Variants in TIAM2 observed in about 807,000 individuals in gnomAD.
TIAM2 encodes the protein rho guanine nucleotide exchange factor TIAM2.
TIAM2 carries 80 observed loss-of-function variants against 152.9 expected under a neutral mutation model. That is an observed-to-expected ratio of 0.52 (90% CI 0.44 to 0.63). The LOEUF is 0.63. Ranked by LOEUF, TIAM2 falls within the 30% of genes least tolerant of loss-of-function variation. The pLI is 0.00. For synonymous variants in TIAM2, 804 were observed against 838.0 expected (o/e 0.96, Z 0.70); for missense variants, 1,965 against 2,120.1 (o/e 0.93, Z 1.44).
At chr6:155,229,375 T>G (rs975325401) in intron 15 of TIAM2, among the ~76,000 whole-genome samples, 1 of 152,144 alleles carries the variant, frequency 6.6e-6, no homozygotes, top group African/African-American at 2.4e-5. Flanking sequence ...CCTGTGCAAA[T>G]TATAACTTTC....
At position 155,027,976 on chromosome 6, in the gene TIAM2, A is replaced by T; in HGVS notation, c.-209+32484A>T. Reference sequence around the variant, plus strand: ...GTTACATATATACTATATATAATATATGTACTGTGTTACATATATACTATA... The same window carrying T: ...GTTACATATATACTATATATAATATTTGTACTGTGTTACATATATACTATA... On this transcript the variant is annotated intron_variant, in intron 1 of 26. Coordinates refer to ENST00000682666, the MANE Select transcript of TIAM2 (RefSeq NM_012454.4). Among the ~76,000 whole-genome samples, 2 of 127,448 alleles carry T rather than the reference A, an allele frequency of 1.6e-5. 1 individual carries two copies. The highest frequency in any genetic ancestry group is 6.4e-5 in the African/African-American group (2 of 31,142). 83.6% of individuals were successfully genotyped at this position (127,448 alleles called of 152,430 possible). A position where few individuals can be genotyped will look rare whatever the true frequency, so the allele number is the denominator to read the frequency against.
At chr6:155,182,348 C>T (rs1780923040) in intron 13 of TIAM2, 30 bp downstream of exon 13, 2 of 1,576,944 alleles carry the variant, frequency 1.3e-6, no homozygotes, top group South Asian at 1.1e-5. Flanking sequence ...CCCCTGTTGC[C>T]TCTTAATTTG....
At chr6:155,228,990 C>A (rs1460769483) in intron 15 of TIAM2, among the ~76,000 whole-genome samples, 1 of 152,226 alleles carries the variant, frequency 6.6e-6, no homozygotes, top group African/African-American at 2.4e-5. Flanking sequence ...TTGGGACATG[C>A]ACATGCTCTC....
intron 1 of TIAM2, among the ~76,000 whole-genome samples, chr6:155,031,244 C>T (rs1415893514): frequency 6.6e-6 from 1 of 152,190 alleles, no homozygotes; most frequent in Non-Finnish European, 1.5e-5. Context: ...AGACTAAATA[C>T]ATATGTGCCT....
intron 2 of TIAM2, among the ~76,000 whole-genome samples, chr6:155,094,031 C>T (rs935693969): frequency 6.6e-6 from 1 of 152,084 alleles, no homozygotes; most frequent in African/African-American, 2.4e-5. Context: ...TTTGTTTGGC[C>T]TAGAAAATGT....
intron 15 of TIAM2, among the ~76,000 whole-genome samples, chr6:155,225,160 T>C (rs939770737): frequency 7.9e-5 from 12 of 152,248 alleles, no homozygotes; most frequent in African/African-American, 2.6e-4. Flanking sequence ...TTTGACATGT[T>C]GTCCAGGCTT....
intron 5 of TIAM2, among the ~76,000 whole-genome samples, chr6:155,138,356 A>G (rs1779605537): frequency 6.6e-6 from 1 of 151,914 alleles, no homozygotes; most frequent in Non-Finnish European, 1.5e-5. Context: ...TAAGATTATC[A>G]TCTGGATTAT....
chr6:155,143,684 A>G (rs942805007), intron 5 of TIAM2, among the ~76,000 whole-genome samples: 1 of 152,160 alleles, frequency 6.6e-6, no homozygotes, highest in African/African-American at 2.4e-5. Context: ...GGCCTCTTAC[A>G]TTGAGATTCC....
At chr6:155,183,727 A>G (rs550851128) in intron 14 of TIAM2, among the ~76,000 whole-genome samples, 92 of 152,332 alleles carry the variant, frequency 6.0e-4, no homozygotes, top group Non-Finnish European at 1.0e-3. Flanking sequence ...TGCACAAAAT[A>G]ACATTTAAAA....
chr6:155,256,708 A>C lies in TIAM2; in HGVS notation c.4693A>C (p.Ser1565Arg). The stretch of plus-strand genomic sequence containing the variant: ...TTTTGCCGACAATCTCATCAAAGAG[A>C]GTGACATCCTGAGCGATGAAGATGA... ...ADFADNLIKE[S>R]DILSDEDDDH... Residue 1565 changes from serine (S) to arginine (R), a missense_variant, in exon 27 of 27, where the codon AGT becomes CGT. Physicochemically the swap from Ser to Arg is moderately radical, Grantham distance 110. Transcript: ENST00000682666. The C allele has an allele frequency of 6.2e-7, 1 of 1,614,226 alleles. No individual in the cohort carries two copies. Among genetic ancestry groups the C allele is most frequent in the Non-Finnish European group, 8.5e-7 (1 of 1,180,044 alleles).
At chr6:155,074,874 A>C (rs1777920493) in intron 1 of TIAM2, among the ~76,000 whole-genome samples, 1 of 151,472 alleles carries the variant, frequency 6.6e-6, no homozygotes, top group Non-Finnish European at 1.5e-5. Flanking sequence ...AAAAAAAAAA[A>C]AAAACCTCTG....
At chr6:155,023,725 C>T (rs1479798663) in intron 1 of TIAM2, among the ~76,000 whole-genome samples, 1 of 152,100 alleles carries the variant, frequency 6.6e-6, no homozygotes, top group Non-Finnish European at 1.5e-5. Flanking sequence ...CAAGGAAATA[C>T]TCATTGAACT....
In TIAM2 at chr6:155,057,131, C is replaced by A. The variant is rs1253598173; in HGVS notation, c.-208-33158C>A. Among the ~76,000 whole-genome samples, 5 of 145,106 alleles carry A rather than the reference C, an allele frequency of 3.4e-5. No individual in the cohort carries two copies. In the Admixed American group the frequency reaches 3.8e-4, roughly 11 times the overall value. ...GCATCCTCTGCCCCCCAGGTTCAAG[C>A]GACCCTCTTAACTCAGCCTCCTGAG... On this transcript the variant is annotated intron_variant, in intron 1 of 26. Coordinates refer to ENST00000682666, the MANE Select transcript of TIAM2 (RefSeq NM_012454.4).
chr6:155,208,149 A>G (rs1413036506), intron 14 of TIAM2, among the ~76,000 whole-genome samples: 1 of 152,156 alleles, frequency 6.6e-6, no homozygotes, highest in Non-Finnish European at 1.5e-5. Context: ...CATGTGGATC[A>G]TATGTCCTAT....
At chr6:155,053,119 G>C (rs2114926364) in intron 1 of TIAM2, among the ~76,000 whole-genome samples, 1 of 152,196 alleles carries the variant, frequency 6.6e-6, no homozygotes, top group South Asian at 2.1e-4. Context: ...TTATGACTTT[G>C]AGCATCCAAA....
intron 1 of TIAM2, among the ~76,000 whole-genome samples, chr6:155,055,486 G>A (rs1343404875): frequency 2.0e-5 from 3 of 152,128 alleles, no homozygotes; most frequent in African/African-American, 7.2e-5. Context: ...TGACTTCTTG[G>A]TATAAGTTTG....
At chr6:155,245,494 G>C (rs1048458044) in intron 18 of TIAM2, 129 bp from the exon 19 acceptor site, 2 of 744,594 alleles carry the variant, frequency 2.7e-6, no homozygotes, top group African/African-American at 1.8e-5. Context: ...TGTGGATGGA[G>C]CAGGTTTGAA....
At chr6:155,177,162 C>A (rs1780778777) in intron 10 of TIAM2, among the ~76,000 whole-genome samples, 185 bp downstream of exon 10, 1 of 152,118 alleles carries the variant, frequency 6.6e-6, no homozygotes, top group South Asian at 2.1e-4. Flanking sequence ...TCCTTGATCT[C>A]TTTAGAAGAA....
At chr6:155,061,062 A>G (rs1777569447) in intron 1 of TIAM2, among the ~76,000 whole-genome samples, 1 of 152,180 alleles carries the variant, frequency 6.6e-6, no homozygotes, top group Non-Finnish European at 1.5e-5. Flanking sequence ...TCACTGGAGA[A>G]TGATATTTAG....
Sources: gnomAD v4.1 joint callset for allele counts (sites outside exome capture counted in the v4.1 genomes callset) on GRCh38, gnomAD v4.1.1 for gene constraint, MANE v1.5 for transcripts, NCBI Gene and HGNC (gene_info 2026-07-23, HGNC 2026-07-21) for gene names.